The following CLCN6 variants were observed in gnomAD, a reference collection of about 807,000 sequenced individuals.
CLCN6 encodes Cl-/H+ antiporter 6, also known as H(+)/Cl(-) exchange transporter 6.
A neutral mutation model predicts 109.8 loss-of-function variants in CLCN6; 70 were observed. That is an observed-to-expected ratio of 0.64 (90% confidence interval 0.53 to 0.78). The LOEUF (loss-of-function observed/expected upper bound fraction) is 0.78, where lower values mean the gene tolerates loss of function less well. Ranked by LOEUF, CLCN6 falls within the 30% of genes least tolerant of loss-of-function variation. The probability of loss-of-function intolerance (pLI) is 0.00; values close to 1 mark genes in which losing one functional copy is unlikely to be tolerated. For missense variants in CLCN6, 984 were observed against 1,142.3 expected, an observed-to-expected ratio of 0.86 and a Z score of 2.00; for synonymous variants, 444 against 447.8, an observed-to-expected ratio of 0.99 and a Z score of 0.11.
chr1:11,819,469 G>C lies in CLCN6; in HGVS notation c.280-19G>C, dbSNP rs1421343679. On this transcript the variant is annotated intron_variant, in intron 4 of 22. Coordinates refer to ENST00000346436, the MANE Select transcript of CLCN6 (RefSeq NM_001286.5). ...CACTTGGAAATAAGGCTGTGTGACA[G>C]ATCTCTTGCTCTTCACAGGTGGGTC... The C allele has an allele frequency of 1.2e-6, 2 of 1,612,538 alleles. No individual in the cohort carries two copies. Among genetic ancestry groups the C allele is most frequent in the African/African-American group, 1.3e-5 (1 of 74,888 alleles).
rs1644724735 is a variant in CLCN6, at chr1:11,820,303, G to A, written c.346+749G>A. On this transcript the variant is annotated intron_variant, in intron 5 of 22. Coordinates refer to ENST00000346436, the MANE Select transcript of CLCN6 (RefSeq NM_001286.5). ...ACCCTGTCTTAAAAAAAATGATGCT[G>A]GGACATGGGTGATCCATATGGAAAA... 7 of 699,214 alleles carry A rather than the reference G, an allele frequency of 1.0e-5. No individual in the cohort carries two copies. In the East Asian group the frequency reaches 1.6e-4, roughly 16 times the overall value. 43.3% of individuals were successfully genotyped at this position (699,214 alleles called of 1,614,324 possible).
At chr1:11,821,488 G>A (rs1473032147) in intron 5 of CLCN6, among the ~76,000 whole-genome samples, 5 of 151,930 alleles carry the variant, frequency 3.3e-5, no homozygotes, top group East Asian at 2.0e-4. Flanking sequence ...CCCAGGAGGC[G>A]GAGGTTGCAG....
intron 2 of CLCN6, among the ~76,000 whole-genome samples, chr1:11,808,227 TTGTG>T (rs3073085): frequency 0.42 from 58,632 of 138,812 alleles, 12,432 homozygotes; most frequent in Admixed American, 0.51. Context: ...GTGTGTGTGT[TTGTG>T]TGTGTGTGTG....
intron 5 of CLCN6, chr1:11,820,723 C>A (rs906900344): frequency 9.7e-6 from 2 of 206,318 alleles, no homozygotes; most frequent in Middle Eastern, 1.8e-3. Context: ...GCCAAGATCA[C>A]GCCACTGCAC....
intron 20 of CLCN6, among the ~76,000 whole-genome samples, 168 bp downstream of exon 20, chr1:11,837,667 C>T (rs1367720206): frequency 1.3e-5 from 2 of 152,132 alleles, no homozygotes; most frequent in Non-Finnish European, 1.5e-5. Flanking sequence ...TGAGAAGCAA[C>T]AGCGGTTTAT....
chr1:11,838,364 C>A lies in CLCN6; in HGVS notation c.2325C>A (p.Ala775=). Reference sequence around the variant, plus strand: ...CCAGCCAGCCGCGCCTCTCCTATGCCGAGATGGCCGAGGACTACCCGCGGT... The same window carrying A: ...CCAGCCAGCCGCGCCTCTCCTATGCAGAGATGGCCGAGGACTACCCGCGGT... ...SSASQPRLSY[A]EMAEDYPRYP... Residue 775 remains alanine (A), a synonymous_variant, in exon 21 of 23, where the codon GCC becomes GCA. Transcript: ENST00000346436. The A allele has an allele frequency of 4.3e-6, 7 of 1,612,634 alleles. No homozygotes were observed. The highest frequency in any genetic ancestry group is 5.9e-6 in the Non-Finnish European group (7 of 1,179,600).
At chr1:11,832,034 CTTTA>C (rs1204436124) in intron 13 of CLCN6, among the ~76,000 whole-genome samples, 1 of 152,170 alleles carries the variant, frequency 6.6e-6, no homozygotes, top group East Asian at 1.9e-4. Context: ...TGTTTGGTGT[CTTTA>C]TTGTGTACCA....
chr1:11,817,198 T>C (rs1301382428), intron 4 of CLCN6, among the ~76,000 whole-genome samples: 3 of 152,258 alleles, frequency 2.0e-5, no homozygotes, highest in Non-Finnish European at 4.4e-5. Flanking sequence ...GCTTGGGTGA[T>C]CCTCCTACCT....
At chr1:11,806,681 TGCTGTTTTA>T (rs1338023825) in intron 1 of CLCN6, 1 of 376,280 alleles carries the variant, frequency 2.7e-6, no homozygotes, top group Non-Finnish European at 4.8e-6. Context: ...CTTATCATGC[TGCTGTTTTA>T]GCTTCTCCAG....
chr1:11,808,227 TTGTGTG>T (rs3073085), intron 2 of CLCN6, among the ~76,000 whole-genome samples: 3,344 of 139,072 alleles, frequency 0.024, 55 homozygotes, highest in East Asian at 0.053. Context: ...GTGTGTGTGT[TTGTGTG>T]TGTGTGTGTG....
chr1:11,809,491 C>T (rs541888597), intron 2 of CLCN6, among the ~76,000 whole-genome samples: 12 of 152,214 alleles, frequency 7.9e-5, no homozygotes, highest in East Asian at 3.9e-4. Flanking sequence ...CTCACTCTGT[C>T]GCCCAGGCTG....
intron 22 of CLCN6, chr1:11,838,891 C>T (rs1045851009): frequency 4.5e-5 from 33 of 725,566 alleles, no homozygotes; most frequent in Admixed American, 1.6e-4. Context: ...GCCAGAGCCG[C>T]GCCTCTACCA....
chr1:11,806,912 T>G, intron 1 of CLCN6: 1 of 558,160 alleles, frequency 1.8e-6, no homozygotes, highest in East Asian at 2.9e-5. Flanking sequence ...GGAGGGTGGT[T>G]ATTTGGAGAC....
At chr1:11,811,428 G>A (rs191865635) in intron 2 of CLCN6, among the ~76,000 whole-genome samples, 32 of 151,210 alleles carry the variant, frequency 2.1e-4, no homozygotes, top group African/African-American at 7.8e-4. Context: ...TGTTGCCCAG[G>A]CAAGAGTGCA....
intron 20 of CLCN6, among the ~76,000 whole-genome samples, chr1:11,838,018 G>A (rs570865677): frequency 1.4e-4 from 21 of 152,248 alleles, no homozygotes; most frequent in South Asian, 6.2e-4. Flanking sequence ...CTTTTGGTGG[G>A]GGGACACATT....
intron 5 of CLCN6, among the ~76,000 whole-genome samples, chr1:11,821,486 G>A (rs1644742970): frequency 6.6e-6 from 1 of 151,994 alleles, no homozygotes; most frequent in Non-Finnish European, 1.5e-5. Flanking sequence ...AACCCAGGAG[G>A]CGGAGGTTGC....
At chr1:11,814,015 C>T (rs1644636833) in intron 2 of CLCN6, among the ~76,000 whole-genome samples, 1 of 152,080 alleles carries the variant, frequency 6.6e-6, no homozygotes, top group Non-Finnish European at 1.5e-5. Flanking sequence ...TTGATTTACT[C>T]AGTCACTTGT....
rs1435417380 is a variant in CLCN6 at position 11,835,858 on chromosome 1, G to GC, written c.1794-103dup. The GC allele has an allele frequency of 5.7e-5, 47 of 827,266 alleles. No homozygotes were observed. The East Asian group carries it at 1.2e-3, about 21-fold the overall frequency. 51.2% of individuals were successfully genotyped at this position (827,266 alleles called of 1,614,324 possible). A position where few individuals can be genotyped will look rare whatever the true frequency, so the allele number is the denominator to read the frequency against. ...GGGAGAGCTGGGGCAGTTCAGAAGA[G>GC]CCCCCCACCCCGCCCGTGGTCTGAG... On this transcript the variant is annotated intron_variant, in intron 17 of 22. Coordinates refer to ENST00000346436, the MANE Select transcript of CLCN6 (RefSeq NM_001286.5).
At chr1:11,816,023 T>C (rs1226209374) in intron 3 of CLCN6, 112 bp downstream of exon 3, 1 of 803,242 alleles carries the variant, frequency 1.2e-6, no homozygotes, top group Non-Finnish European at 2.2e-6. Context: ...TTGAACCTTT[T>C]CATGCGATAC....
Sources: allele counts gnomAD v4.1 joint callset (sites outside exome capture counted in the v4.1 genomes callset), GRCh38; gene constraint gnomAD v4.1.1; transcripts MANE v1.5; gene names NCBI Gene and HGNC (gene_info 2026-07-23, HGNC 2026-07-21).